Variants in TTC28 observed in about 807,000 individuals in gnomAD.
The protein encoded by TTC28 is tetratricopeptide repeat protein 28.
In TTC28, 61 loss-of-function variants were observed where a neutral mutation model predicts 198.0. That is an observed-to-expected ratio of 0.31 (90% confidence interval 0.25 to 0.38). TTC28 has a LOEUF of 0.38. TTC28 is among the 10% of genes least tolerant of loss of function. TTC28 has a pLI of 1.00. For synonymous variants in TTC28, 1,171 were observed against 1,297.8 expected (o/e 0.90, Z 2.10); for missense variants, 2,678 against 3,164.0 (o/e 0.85, Z 3.69).
intron 5 of TTC28, among the ~76,000 whole-genome samples, chr22:28,214,523 A>G (rs1319916136): frequency 1.3e-5 from 2 of 152,252 alleles, no homozygotes; most frequent in African/African-American, 4.8e-5. Context: ...CAACAGTTAC[A>G]TGAAAAATTG....
At chr22:28,487,174 T>G (rs2048323298) in intron 2 of TTC28, among the ~76,000 whole-genome samples, 1 of 152,076 alleles carries the variant, frequency 6.6e-6, no homozygotes, top group Non-Finnish European at 1.5e-5. Context: ...AATTTTTAAA[T>G]CAAAATCTAG....
intron 2 of TTC28, among the ~76,000 whole-genome samples, chr22:28,449,823 A>T (rs1296819444): frequency 6.6e-6 from 1 of 152,228 alleles, no homozygotes; most frequent in African/African-American, 2.4e-5. Flanking sequence ...AGGGCAGCAG[A>T]AACAGAAAAA....
chr22:28,660,516 ATTTGG>A lies in TTC28; in HGVS notation c.102+19101_102+19105del, dbSNP rs565477296. On this transcript the variant is annotated intron_variant, in intron 1 of 22. Coordinates refer to ENST00000397906, the MANE Select transcript of TTC28 (RefSeq NM_001145418.2). ...AATTTTTTGTTTTTGTTTTGTTTTG[ATTTGG>A]TTTGGTTTGGTTTGGTTTTTTGAGA... Among the ~76,000 whole-genome samples, 60 of 149,860 alleles carry A rather than the reference ATTTGG, an allele frequency of 4.0e-4. No homozygotes were observed. In the South Asian group the frequency reaches 0.011, roughly 27 times the overall value.
chr22:28,164,260 C>T (rs932564911), intron 5 of TTC28, among the ~76,000 whole-genome samples: 2 of 152,166 alleles, frequency 1.3e-5, no homozygotes, highest in African/African-American at 4.8e-5. Context: ...CCTCTGCAGA[C>T]TTAAATGTCC....
At chr22:28,361,977 T>C (rs1476742028) in intron 2 of TTC28, among the ~76,000 whole-genome samples, 2 of 152,178 alleles carry the variant, frequency 1.3e-5, no homozygotes, top group Admixed American at 6.5e-5. Flanking sequence ...CAAAAGAAGA[T>C]TGATTTCTTT....
At chr22:28,089,690 T>TAAAAAAAAAA (rs1941749313) in intron 12 of TTC28, among the ~76,000 whole-genome samples, 1 of 128,044 alleles carries the variant, frequency 7.8e-6, no homozygotes, top group Admixed American at 7.8e-5. Context: ...TAAAATAAAA[T>TAAAAAAAAAA]AAAAAATAAA....
rs1349170527 is a variant in TTC28 at position 28,659,213 on chromosome 22, TA to T, written c.102+20408del. On this transcript the variant is annotated intron_variant, in intron 1 of 22. Transcript: ENST00000397906. ...AACAAAAAATAACTCCATCACAGTA[TA>T]AAAATGTCTCTAAACATTCAACTGT... Among the ~76,000 whole-genome samples the T allele has an allele frequency of 4.6e-5, 7 of 152,318 alleles. No individual in the cohort carries two copies. In the East Asian group the frequency reaches 1.3e-3, roughly 29 times the overall value.
intron 12 of TTC28, among the ~76,000 whole-genome samples, chr22:28,035,614 C>A (rs1486648143): frequency 1.3e-5 from 2 of 152,166 alleles, no homozygotes; most frequent in Non-Finnish European, 2.9e-5. Context: ...ATGGGCCGGT[C>A]TGCCAATACC....
rs1217195531 is a variant in TTC28 at position 28,584,460 on chromosome 22, C to G, written c.381+45092G>C. On this transcript the variant is annotated intron_variant, in intron 2 of 22. Coordinates refer to ENST00000397906, the MANE Select transcript of TTC28 (RefSeq NM_001145418.2). ...GCCTGTCTCTCTCATTTTTTGATAT[C>G]TTGGATCCATATCAGCCATGTCCAA... Among the ~76,000 whole-genome samples, 5 of 152,106 alleles carry G rather than the reference C, an allele frequency of 3.3e-5. No homozygotes were observed. In the East Asian group the frequency reaches 7.7e-4, roughly 23 times the overall value.
intron 2 of TTC28, among the ~76,000 whole-genome samples, chr22:28,352,333 A>C (rs984393365): frequency 1.1e-4 from 15 of 141,488 alleles, no homozygotes; most frequent in African/African-American, 2.8e-4. Context: ...ATATATATAT[A>C]TATCTCCCGG....
chr22:28,147,602 C>A (rs1943498994), intron 6 of TTC28, among the ~76,000 whole-genome samples: 1 of 152,194 alleles, frequency 6.6e-6, no homozygotes. Flanking sequence ...TCTAGGCCCA[C>A]ACCCCAGCTC....
intron 2 of TTC28, among the ~76,000 whole-genome samples, chr22:28,591,637 C>T (rs1052002409): frequency 1.3e-5 from 2 of 152,064 alleles, no homozygotes; most frequent in African/African-American, 4.8e-5. Flanking sequence ...ACCCATGTAC[C>T]CTTCACCCAG....
chr22:28,089,294 GA>G (rs1246695543), intron 12 of TTC28, among the ~76,000 whole-genome samples: 1 of 152,104 alleles, frequency 6.6e-6, no homozygotes, highest in East Asian at 1.9e-4. Flanking sequence ...ACTGGATTAA[GA>G]AAATGTGGCA....
chr22:28,505,232 G>C (rs1226875405), intron 2 of TTC28, among the ~76,000 whole-genome samples: 1 of 149,096 alleles, frequency 6.7e-6, no homozygotes, highest in East Asian at 2.0e-4. Context: ...ACTCCAGCCT[G>C]GGCAACAGAG....
intron 6 of TTC28, among the ~76,000 whole-genome samples, chr22:28,122,715 C>G (rs1204378421): frequency 1.3e-5 from 2 of 152,164 alleles, no homozygotes; most frequent in Non-Finnish European, 2.9e-5. Context: ...CTATTTGCCA[C>G]TAGGTCTTTG....
intron 1 of TTC28, among the ~76,000 whole-genome samples, chr22:28,663,081 T>C (rs2051774659): frequency 6.6e-6 from 1 of 151,940 alleles, no homozygotes; most frequent in Middle Eastern, 3.4e-3. Flanking sequence ...ACCCCGTCTG[T>C]ACTAAAAATA....
At chr22:28,068,158 C>G (rs949647096) in intron 12 of TTC28, among the ~76,000 whole-genome samples, 4 of 152,148 alleles carry the variant, frequency 2.6e-5, no homozygotes, top group African/African-American at 4.8e-5. Flanking sequence ...TGACAGAGCT[C>G]TAATAAGAGC....
At chr22:28,345,822 C>T (rs2045895258) in intron 2 of TTC28, among the ~76,000 whole-genome samples, 1 of 152,160 alleles carries the variant, frequency 6.6e-6, no homozygotes, top group African/African-American at 2.4e-5. Context: ...AACCTCTTCA[C>T]TTCAAACAAA....
At chr22:27,983,985 T>TA in intron 22 of TTC28, 134 bp from the exon 23 acceptor site, 1 of 979,824 alleles carries the variant, frequency 1.0e-6, no homozygotes, top group Non-Finnish European at 1.5e-6. Flanking sequence ...ATATTAATCT[T>TA]ACAATCCTCA....
Sources: allele counts gnomAD v4.1 joint callset (sites outside exome capture counted in the v4.1 genomes callset), GRCh38; gene constraint gnomAD v4.1.1; transcripts MANE v1.5; gene names NCBI Gene and HGNC (gene_info 2026-07-23, HGNC 2026-07-21).